MAN1A2: variants seen among roughly 807,000 people sequenced by gnomAD.
MAN1A2 encodes the protein mannosyl-oligosaccharide 1,2-alpha-mannosidase IB.
Under a neutral mutation model 75.7 loss-of-function variants are expected in MAN1A2, and 26 were observed. The observed-to-expected ratio is 0.34, with a 90% CI of 0.25 to 0.48. MAN1A2 has a LOEUF of 0.48. Ranked by LOEUF, MAN1A2 falls within the 20% of genes least tolerant of loss-of-function variation. MAN1A2 has a pLI of 0.99. For synonymous variants in MAN1A2, 247 were observed against 264.6 expected (o/e 0.93, Z 0.65); for missense variants, 562 against 775.5 (o/e 0.72, Z 3.27).
chr1:117,467,566 A>T (rs1204395618), intron 8 of MAN1A2, among the ~76,000 whole-genome samples: 1 of 152,118 alleles, frequency 6.6e-6, no homozygotes, highest in East Asian at 1.9e-4. Context: ...TTATTTACAT[A>T]TGACTCATTT....
At chr1:117,378,143 G>C (rs1653217097) in intron 1 of MAN1A2, among the ~76,000 whole-genome samples, 1 of 151,956 alleles carries the variant, frequency 6.6e-6, no homozygotes, top group South Asian at 2.1e-4. Context: ...AAAGTTATAA[G>C]TGTACATGAA....
intron 8 of MAN1A2, 89 bp from the exon 9 acceptor site, chr1:117,493,058 A>C: frequency 1.4e-6 from 1 of 720,814 alleles, no homozygotes; most frequent in Non-Finnish European, 2.5e-6. Flanking sequence ...TTGACCTCTA[A>C]CATAGTCATT....
At chr1:117,487,431 G>T (rs1246441035) in intron 8 of MAN1A2, among the ~76,000 whole-genome samples, 1 of 151,936 alleles carries the variant, frequency 6.6e-6, no homozygotes, top group Non-Finnish European at 1.5e-5. Flanking sequence ...AATGATTAGG[G>T]AAAGTGATGG....
chr1:117,466,278 C>T (rs899379907), intron 7 of MAN1A2, 56 bp from the exon 8 acceptor site: 4 of 1,168,852 alleles, frequency 3.4e-6, no homozygotes, highest in Non-Finnish European at 5.0e-6. Context: ...ACATTAAAAC[C>T]AAGCCTTGAT....
chr1:117,383,117 AG>A (rs1181585904), intron 1 of MAN1A2, among the ~76,000 whole-genome samples: 7 of 152,192 alleles, frequency 4.6e-5, no homozygotes, highest in African/African-American at 1.7e-4. Context: ...TCCTTATCTT[AG>A]GGGCAAAGCT....
intron 3 of MAN1A2, among the ~76,000 whole-genome samples, chr1:117,407,444 T>A (rs1408737358): frequency 6.6e-6 from 1 of 152,194 alleles, no homozygotes; most frequent in Non-Finnish European, 1.5e-5. Flanking sequence ...TAAGTAGTTC[T>A]CAGTGTCTCA....
chr1:117,467,957 A>G (rs1650031365), intron 8 of MAN1A2, among the ~76,000 whole-genome samples: 1 of 152,204 alleles, frequency 6.6e-6, no homozygotes, highest in Non-Finnish European at 1.5e-5. Context: ...TAATCAGGAA[A>G]GCCTTTTCTA....
chr1:117,375,671 A>C (rs1653111659), intron 1 of MAN1A2, among the ~76,000 whole-genome samples: 1 of 152,168 alleles, frequency 6.6e-6, no homozygotes, highest in South Asian at 2.1e-4. Flanking sequence ...AATGAATGTT[A>C]CAGAAGATTA....
chr1:117,439,886 T>C (rs1648974095), intron 5 of MAN1A2, among the ~76,000 whole-genome samples: 1 of 152,220 alleles, frequency 6.6e-6, no homozygotes, highest in Non-Finnish European at 1.5e-5. Flanking sequence ...TATAAATTAG[T>C]AAAGCATATA....
intron 5 of MAN1A2, among the ~76,000 whole-genome samples, chr1:117,429,879 A>G (rs370002750): frequency 0.39 from 13,693 of 35,276 alleles, 2,811 homozygotes; most frequent in Non-Finnish European, 0.43. Flanking sequence ...CCTCCCTCCC[A>G]GATGGGGCGG....
At chr1:117,487,826 G>A (rs1222536020) in intron 8 of MAN1A2, among the ~76,000 whole-genome samples, 1 of 151,888 alleles carries the variant, frequency 6.6e-6, no homozygotes, top group Non-Finnish European at 1.5e-5. Flanking sequence ...ATTCATTTCT[G>A]TATTGTTTTA....
At chr1:117,471,039 C>CTT (rs138176979) in intron 8 of MAN1A2, among the ~76,000 whole-genome samples, 5 of 147,972 alleles carry the variant, frequency 3.4e-5, no homozygotes, top group African/African-American at 4.9e-5. Flanking sequence ...TTTTCTAAAA[C>CTT]TTTTTTTTTT....
At chr1:117,433,875 A>T (rs1010882898) in intron 5 of MAN1A2, among the ~76,000 whole-genome samples, 7 of 152,076 alleles carry the variant, frequency 4.6e-5, no homozygotes, top group African/African-American at 1.7e-4. Flanking sequence ...ACTTCCCCTT[A>T]CCTAACCTAA....
chr1:117,437,246 T>A (rs867314483), intron 5 of MAN1A2, among the ~76,000 whole-genome samples: 16 of 152,204 alleles, frequency 1.1e-4, no homozygotes, highest in African/African-American at 3.9e-4. Context: ...ACAAATAATA[T>A]GTGAAAAGAT....
chr1:117,509,896 A>G (rs1651477945), intron 12 of MAN1A2, among the ~76,000 whole-genome samples: 1 of 151,714 alleles, frequency 6.6e-6, no homozygotes, highest in Non-Finnish European at 1.5e-5. Flanking sequence ...AGTTCTTGAT[A>G]TAGCCTTCTG....
At chr1:117,436,533 CA>C (rs1648855546) in intron 5 of MAN1A2, among the ~76,000 whole-genome samples, 1 of 152,226 alleles carries the variant, frequency 6.6e-6, no homozygotes, top group Admixed American at 6.5e-5. Flanking sequence ...GGGGCCTGAG[CA>C]TATCCCTGCA....
At chr1:117,459,461 C>T (rs1021877867) in intron 6 of MAN1A2, among the ~76,000 whole-genome samples, 3 of 152,090 alleles carry the variant, frequency 2.0e-5, no homozygotes. Flanking sequence ...CCCCTGGCTT[C>T]CAACTGAAAT....
chr1:117,455,275 T>C (rs764093254), intron 6 of MAN1A2, among the ~76,000 whole-genome samples: 5 of 152,128 alleles, frequency 3.3e-5, no homozygotes, highest in African/African-American at 4.8e-5. Flanking sequence ...ATGATGTTTG[T>C]ATGAAATTCT....
Position 117,367,976 on chromosome 1 carries a change from T to C in MAN1A2, c.-208T>C. ...GAAGAGGATATCGCAGGACCTAAAC[T>C]TGTGATCGTTTGGGGGAGGTCACAC... On this transcript the variant is annotated 5_prime_UTR_variant, in exon 1 of 13. Coordinates refer to ENST00000356554, the MANE Select transcript of MAN1A2 (RefSeq NM_006699.5). The C allele has an allele frequency of 1.8e-6, 1 of 563,910 alleles. No individual in the cohort carries two copies. Among genetic ancestry groups the C allele is most frequent in the Non-Finnish European group, 3.1e-6 (1 of 319,164 alleles). The allele number at this position is 563,910 out of a possible 1,614,324, so 34.9% of individuals were successfully genotyped here.
Sources: allele counts gnomAD v4.1 joint callset (sites outside exome capture counted in the v4.1 genomes callset), GRCh38; gene constraint gnomAD v4.1.1; transcripts MANE v1.5; gene names NCBI Gene and HGNC (gene_info 2026-07-23, HGNC 2026-07-21).